The following GRM8 variants were observed in gnomAD, a reference collection of about 807,000 sequenced individuals.
GRM8 encodes the protein glutamate metabotropic receptor 8.
GRM8 carries 47 observed loss-of-function variants against 87.2 expected under a neutral mutation model. The ratio of observed to expected loss-of-function variants is 0.54; its 90% confidence interval spans 0.43 to 0.69. GRM8 has a LOEUF of 0.69. GRM8 is among the 30% of genes least tolerant of loss of function. The pLI, the probability that GRM8 is intolerant of heterozygous loss-of-function variation, is 0.00. For synonymous variants in GRM8, 396 were observed against 404.5 expected (o/e 0.98, Z 0.25); for missense variants, 1,019 against 1,139.2 (o/e 0.89, Z 1.52).
At chr7:126,456,519 TAAAAAAAAAAAA>T (rs513) in intron 9 of GRM8, among the ~76,000 whole-genome samples, 12 of 69,714 alleles carry the variant, frequency 1.7e-4, no homozygotes, top group African/African-American at 5.8e-4. Flanking sequence ...AGCAGCAAGC[TAAAAAAAAAAAA>T]AAAAAAAAAA....
intron 3 of GRM8, among the ~76,000 whole-genome samples, chr7:126,927,694 G>GCA (rs1805287849): frequency 6.6e-6 from 1 of 151,936 alleles, no homozygotes; most frequent in Non-Finnish European, 1.5e-5. Flanking sequence ...TTAGAATGCT[G>GCA]ATCATTAAAA....
chr7:127,170,215 C>T (rs12706765), intron 2 of GRM8, among the ~76,000 whole-genome samples: 27,441 of 152,028 alleles, frequency 0.18, 3,150 homozygotes, highest in Middle Eastern at 0.29. Context: ...GATATACAAA[C>T]GGCCAACAAA....
intron 2 of GRM8, among the ~76,000 whole-genome samples, chr7:127,217,883 T>C (rs1796668484): frequency 1.3e-5 from 2 of 152,252 alleles, no homozygotes; most frequent in African/African-American, 4.8e-5. Context: ...AAAATTAAGC[T>C]CTGAATTTTG....
chr7:127,224,747 T>C (rs1797206026), intron 2 of GRM8, among the ~76,000 whole-genome samples: 1 of 152,164 alleles, frequency 6.6e-6, no homozygotes, highest in African/African-American at 2.4e-5. Flanking sequence ...AAGACAATCA[T>C]ATAATTGGAA....
chr7:126,870,392 C>A lies in GRM8; in HGVS notation c.1156+32150G>T, dbSNP rs1404331628. The stretch of plus-strand genomic sequence containing the variant: ...TTCCCTTTGCATCTACAGCTTGGCT[C>A]TCTGTTTGGCGCAAGAGGCCTACCT... On this transcript the variant is annotated intron_variant, in intron 6 of 10. Coordinates refer to ENST00000339582, the MANE Select transcript of GRM8 (RefSeq NM_000845.3). The A allele has an allele frequency of 2.0e-5, 3 of 152,142 alleles. No homozygotes were observed. The East Asian group carries it at 5.8e-4, about 29-fold the overall frequency. 9.4% of individuals were successfully genotyped at this position (152,142 alleles called of 1,614,324 possible). A position where few individuals can be genotyped will look rare whatever the true frequency, so the allele number is the denominator to read the frequency against.
chr7:127,120,876 T>G (rs982635753), intron 2 of GRM8, among the ~76,000 whole-genome samples: 1 of 152,228 alleles, frequency 6.6e-6, no homozygotes, highest in African/African-American at 2.4e-5. Context: ...GTTTCAGTTC[T>G]TGCATCAAAT....
intron 3 of GRM8, among the ~76,000 whole-genome samples, chr7:126,919,435 A>G (rs1192335427): frequency 6.6e-6 from 1 of 152,206 alleles, no homozygotes; most frequent in East Asian, 1.9e-4. Flanking sequence ...GAGATGAACT[A>G]GAGGGTACAT....
intron 2 of GRM8, among the ~76,000 whole-genome samples, chr7:127,155,143 T>C (rs924430311): frequency 1.1e-4 from 17 of 152,086 alleles, no homozygotes; most frequent in Non-Finnish European, 4.4e-5. Flanking sequence ...AGGATGATGG[T>C]TCCAGCATGT....
intron 8 of GRM8, among the ~76,000 whole-genome samples, chr7:126,573,817 A>G (rs1328737937): frequency 6.6e-6 from 1 of 152,026 alleles, no homozygotes; most frequent in East Asian, 1.9e-4. Context: ...AACTCCTGAG[A>G]GTCAGGTGAT....
chr7:126,770,175 T>C (rs1178989715), intron 6 of GRM8, 110 bp from the exon 7 acceptor site: 2 of 687,480 alleles, frequency 2.9e-6, no homozygotes, highest in East Asian at 2.7e-5. Context: ...ACACGACTAT[T>C]TGATTTCACT....
intron 7 of GRM8, among the ~76,000 whole-genome samples, chr7:126,657,993 G>A (rs1804724286): frequency 1.3e-5 from 2 of 152,350 alleles, no homozygotes; most frequent in South Asian, 4.1e-4. Context: ...AATTTTTAAA[G>A]AAGAAACAAC....
intron 9 of GRM8, among the ~76,000 whole-genome samples, chr7:126,472,298 A>T (rs1389979424): frequency 2.0e-5 from 3 of 152,156 alleles, no homozygotes; most frequent in Admixed American, 1.3e-4. Context: ...GTTTTTGCCC[A>T]TTCAGTATGA....
intron 2 of GRM8, among the ~76,000 whole-genome samples, chr7:127,160,527 A>ACGCG (rs35464826): frequency 0.077 from 11,606 of 149,816 alleles, 636 homozygotes; most frequent in Middle Eastern, 0.12. Context: ...AGGCTCCATC[A>ACGCG]CGCGCGCGCA....
At chr7:126,922,263 G>T (rs1440770889) in intron 3 of GRM8, among the ~76,000 whole-genome samples, 1 of 152,066 alleles carries the variant, frequency 6.6e-6, no homozygotes, top group African/African-American at 2.4e-5. Flanking sequence ...GATAATACAA[G>T]CACTGAATAC....
chr7:126,567,720 T>A (rs956727423), intron 8 of GRM8, among the ~76,000 whole-genome samples: 3 of 152,068 alleles, frequency 2.0e-5, no homozygotes, highest in Non-Finnish European at 4.4e-5. Context: ...TCCGGTTAGG[T>A]AAGAACTTGG....
Position 127,063,313 on chromosome 7 carries a change from T to C in GRM8, c.727+43183A>G, listed in dbSNP as rs17865245. Reference sequence around the variant, plus strand: ...AAGCCAGGCCAGGTGCCATGGCTCATGCCTGTAATCCCAGCACTTAGGGAG... The same window carrying C: ...AAGCCAGGCCAGGTGCCATGGCTCACGCCTGTAATCCCAGCACTTAGGGAG... On this transcript the variant is annotated intron_variant, in intron 3 of 10. Coordinates refer to ENST00000339582, the MANE Select transcript of GRM8 (RefSeq NM_000845.3). 3.8e-3 allele frequency among the ~76,000 whole-genome samples: 574 copies of C among 152,010 alleles called. 3 individuals carry two copies. The highest frequency in any genetic ancestry group is 0.013 in the African/African-American group (545 of 41,442).
intron 3 of GRM8, among the ~76,000 whole-genome samples, chr7:126,961,491 T>C (rs1163570113): frequency 6.6e-6 from 1 of 152,186 alleles, no homozygotes; most frequent in Non-Finnish European, 1.5e-5. Flanking sequence ...CAGATACTCA[T>C]GGGGCCTGTA....
intron 7 of GRM8, among the ~76,000 whole-genome samples, chr7:126,651,822 G>A (rs12706739): frequency 0.069 from 10,429 of 151,886 alleles, 605 homozygotes; most frequent in East Asian, 0.31. Flanking sequence ...CAATTGCGGC[G>A]TCTCTTAGTA....
At chr7:126,921,705 A>G (rs1188676178) in intron 3 of GRM8, among the ~76,000 whole-genome samples, 2 of 152,158 alleles carry the variant, frequency 1.3e-5, no homozygotes, top group Non-Finnish European at 1.5e-5. Flanking sequence ...ATTTGAAATG[A>G]AAAGAAAGCA....
Sources: gnomAD v4.1 joint callset for allele counts (sites outside exome capture counted in the v4.1 genomes callset) on GRCh38, gnomAD v4.1.1 for gene constraint, MANE v1.5 for transcripts, NCBI Gene and HGNC (gene_info 2026-07-23, HGNC 2026-07-21) for gene names.